COX10: variants seen among roughly 807,000 people sequenced by gnomAD.
The protein encoded by COX10 is protoheme IX farnesyltransferase, mitochondrial.
In COX10, 27 loss-of-function variants were observed where a neutral mutation model predicts 37.3. The observed-to-expected ratio is 0.72, with a 90% CI of 0.53 to 1.00. COX10 has a LOEUF of 1.00. Among genes scored for constraint, COX10 ranks in the 50% least tolerant of loss-of-function variants. The pLI is 0.00. For missense variants in COX10, 475 were observed against 563.2 expected, an observed-to-expected ratio of 0.84 and a Z score of 1.59; for synonymous variants, 222 against 229.1, an observed-to-expected ratio of 0.97 and a Z score of 0.28.
chr17:14,138,390 A>G (rs1159017268), intron 4 of COX10, among the ~76,000 whole-genome samples: 1 of 152,236 alleles, frequency 6.6e-6, no homozygotes, highest in Non-Finnish European at 1.5e-5. Context: ...ATTATAAGCA[A>G]TTCCACTAAA....
intron 1 of COX10, 126 bp from the exon 2 acceptor site, chr17:14,074,197 G>A: frequency 1.0e-6 from 1 of 976,646 alleles, no homozygotes; most frequent in Non-Finnish European, 1.6e-6. Context: ...TTATTTCAAA[G>A]CTCTGACCCA....
intron 5 of COX10, among the ~76,000 whole-genome samples, chr17:14,165,705 T>C (rs1597531171): frequency 6.6e-6 from 1 of 152,170 alleles, no homozygotes; most frequent in Non-Finnish European, 1.5e-5. Context: ...GAAGGTGACA[T>C]GTTAAAAGCT....
intron 4 of COX10, among the ~76,000 whole-genome samples, chr17:14,127,516 A>T (rs1916369382): frequency 6.6e-6 from 1 of 152,170 alleles, no homozygotes. Context: ...AATATTTTGT[A>T]CCTATAGGAA....
At chr17:14,079,120 T>C (rs1597492068) in intron 3 of COX10, among the ~76,000 whole-genome samples, 3 of 152,212 alleles carry the variant, frequency 2.0e-5, no homozygotes, top group South Asian at 2.1e-4. Context: ...TTAACTTTAT[T>C]GAGATGATAT....
chr17:14,177,326 A>C (rs1281168068), intron 5 of COX10: 1 of 667,130 alleles, frequency 1.5e-6, no homozygotes, highest in African/African-American at 1.8e-5. Context: ...AAAAAAAAGA[A>C]AATACCAACT....
At chr17:14,188,241 A>G (rs1411594834) in intron 5 of COX10, among the ~76,000 whole-genome samples, 5 of 148,398 alleles carry the variant, frequency 3.4e-5, no homozygotes, top group Non-Finnish European at 5.9e-5. Context: ...CTTATAAGCT[A>G]TAAATTACCT....
At chr17:14,177,254 T>C in intron 5 of COX10, 1 of 733,126 alleles carries the variant, frequency 1.4e-6, no homozygotes, top group Middle Eastern at 2.3e-4. Context: ...TGTGCTTCCT[T>C]GGGAGTGTGC....
Position 14,192,082 on chromosome 17 carries a change from G to C in COX10, c.789G>C (p.Gly263=). ...TGAATCCACTCACAGGAGCCCTGGG[G>C]CTCTTCAACATTTTCCTGTATACCT... ...LGVNPLTGAL[G]LFNIFLYTCC... Residue 263 remains glycine, a synonymous_variant, in exon 6 of 7, where the codon GGG becomes GGC. Transcript: ENST00000261643. The C allele has an allele frequency of 1.2e-6, 2 of 1,614,204 alleles. No individual in the cohort carries two copies. Among genetic ancestry groups the C allele is most frequent in the Non-Finnish European group, 1.7e-6 (2 of 1,180,034 alleles).
intron 4 of COX10, among the ~76,000 whole-genome samples, chr17:14,126,696 A>T (rs1916348472): frequency 6.6e-6 from 1 of 151,914 alleles, no homozygotes; most frequent in Non-Finnish European, 1.5e-5. Flanking sequence ...GTGGCAGGGG[A>T]TGTCTGCTGG....
At chr17:14,125,353 A>C (rs1283387304) in intron 4 of COX10, among the ~76,000 whole-genome samples, 2 of 152,168 alleles carry the variant, frequency 1.3e-5, no homozygotes, top group Non-Finnish European at 2.9e-5. Context: ...TGTTATTTGT[A>C]ATGTTTACAG....
At chr17:14,095,423 G>A (rs974259926) in intron 3 of COX10, among the ~76,000 whole-genome samples, 7 of 152,106 alleles carry the variant, frequency 4.6e-5, no homozygotes, top group Non-Finnish European at 7.4e-5. Flanking sequence ...CTAGCGCCCT[G>A]CAGTAACCTT....
At chr17:14,205,644 C>G (rs1229085718) in intron 6 of COX10, among the ~76,000 whole-genome samples, 4 of 152,330 alleles carry the variant, frequency 2.6e-5, no homozygotes, top group East Asian at 1.9e-4. Flanking sequence ...GCCTTCCAGC[C>G]CCCACCCTAC....
intron 4 of COX10, among the ~76,000 whole-genome samples, chr17:14,109,122 A>G (rs1284013826): frequency 1.3e-5 from 2 of 152,178 alleles, no homozygotes; most frequent in East Asian, 1.9e-4. Flanking sequence ...TCTGAAGTTG[A>G]TAACTCATGG....
At chr17:14,107,027 A>G (rs1472237784) in intron 4 of COX10, among the ~76,000 whole-genome samples, 1 of 152,166 alleles carries the variant, frequency 6.6e-6, no homozygotes, top group Non-Finnish European at 1.5e-5. Context: ...AGTTTGGACA[A>G]GATGTCTGTT....
At chr17:14,139,204 T>A (rs909121909) in intron 4 of COX10, among the ~76,000 whole-genome samples, 1 of 152,176 alleles carries the variant, frequency 6.6e-6, no homozygotes, top group African/African-American at 2.4e-5. Flanking sequence ...GTCTTTTTTT[T>A]ATCAATATAA....
intron 3 of COX10, among the ~76,000 whole-genome samples, chr17:14,089,657 C>G (rs1915481675): frequency 6.6e-6 from 1 of 152,204 alleles, no homozygotes; most frequent in Non-Finnish European, 1.5e-5. Context: ...TGCCTTCTTG[C>G]TCAGTTTTCT....
chr17:14,104,510 A>C (rs1003253791), intron 4 of COX10, among the ~76,000 whole-genome samples: 8 of 152,146 alleles, frequency 5.3e-5, no homozygotes, highest in African/African-American at 1.9e-4. Context: ...CTTTTTTTAG[A>C]GGGCTAGTGT....
chr17:14,129,863 T>C (rs1916425968), intron 4 of COX10, among the ~76,000 whole-genome samples: 1 of 152,180 alleles, frequency 6.6e-6, no homozygotes, highest in Non-Finnish European at 1.5e-5. Flanking sequence ...AGGAATCAGA[T>C]TGCAAGCCCA....
At chr17:14,145,732 C>A (rs1904693391) in intron 4 of COX10, among the ~76,000 whole-genome samples, 1 of 152,108 alleles carries the variant, frequency 6.6e-6, no homozygotes, top group South Asian at 2.1e-4. Context: ...ATCACTTCGA[C>A]TATTCTGTGA....
Sources: gnomAD v4.1 joint callset for allele counts (sites outside exome capture counted in the v4.1 genomes callset) on GRCh38, gnomAD v4.1.1 for gene constraint, MANE v1.5 for transcripts, NCBI Gene and HGNC (gene_info 2026-07-23, HGNC 2026-07-21) for gene names.